GNG5: variants seen among roughly 807,000 people sequenced by gnomAD.
GNG5 encodes the protein G protein subunit gamma 5.
In GNG5, 2 loss-of-function variants were observed where a neutral mutation model predicts 6.2. The observed-to-expected ratio is 0.32, with a 90% CI of 0.13 to 1.01. GNG5 has a LOEUF of 1.01. GNG5 is among the 50% of genes least tolerant of loss of function. GNG5 has a pLI of 0.48. For missense variants in GNG5, 57 were observed against 80.2 expected, an observed-to-expected ratio of 0.71 and a Z score of 1.10; for synonymous variants, 24 against 33.0, an observed-to-expected ratio of 0.73 and a Z score of 0.93.
At chr1:84,499,659 C>T (rs1025096703) in intron 3 of GNG5, among the ~76,000 whole-genome samples, 4 of 152,148 alleles carry the variant, frequency 2.6e-5, no homozygotes, top group East Asian at 1.9e-4. Context: ...TGAAAAACGG[C>T]GAATACTGTC....
chr1:84,500,912 T>A (rs898477057), intron 3 of GNG5, among the ~76,000 whole-genome samples: 42 of 152,300 alleles, frequency 2.8e-4, no homozygotes, highest in Admixed American at 5.2e-4. Flanking sequence ...AAATCTTTTT[T>A]AAAAAAGTAC....
intron 2 of GNG5, among the ~76,000 whole-genome samples, chr1:84,504,008 A>C (rs1235602949): frequency 6.6e-6 from 1 of 152,194 alleles, no homozygotes; most frequent in East Asian, 1.9e-4. Flanking sequence ...CTAGCCCCTA[A>C]GGCACTGTAA....
chr1:84,503,325 CA>C lies in GNG5; in HGVS notation c.82-1356del, dbSNP rs151155307. ...TGGCCTCAGGGAATTAATAGCATCACAAATGCTCTCTATACCAAGAACCCCT... is the reference window on the plus strand; with the variant it reads ...TGGCCTCAGGGAATTAATAGCATCACAATGCTCTCTATACCAAGAACCCCT... On this transcript the variant is annotated intron_variant, in intron 2 of 3. Transcript: ENST00000370645. Among the ~76,000 whole-genome samples, 1,130 of 152,338 alleles carry C rather than the reference CA, an allele frequency of 7.4e-3. 14 individuals carry two copies. Among genetic ancestry groups the C allele is most frequent in the African/African-American group, 0.026 (1,087 of 41,572 alleles).
Position 84,505,999 on chromosome 1 carries a change from GC to G in GNG5, c.81+11del. ...CGCCTTCCTCCCGCCTCGGCCGCCCGCCCCCGCTCACTTTTACGCGGTTGAG... is the reference window on the plus strand; with the variant it reads ...CGCCTTCCTCCCGCCTCGGCCGCCCGCCCCGCTCACTTTTACGCGGTTGAG... On this transcript the variant is annotated intron_variant, in intron 2 of 3. Coordinates refer to ENST00000370645, the MANE Select transcript of GNG5 (RefSeq NM_005274.3). 6.7e-7 allele frequency: 1 copy of G among 1,498,598 alleles called. No homozygotes were observed. The highest frequency in any genetic ancestry group is 8.9e-7 in the Non-Finnish European group (1 of 1,123,116). The allele number at this position is 1,498,598 out of a possible 1,614,324, so 92.8% of individuals were successfully genotyped here.
Position 84,506,125 on chromosome 1 carries a change from G to A in GNG5, c.-34C>T, listed in dbSNP as rs1419431324. ...CGACGGCCGGGCCGATTCGTGGGTC[G>A]GTGGGTCGTGGGCCGTGGGTCGGCG... On this transcript the variant is annotated 5_prime_UTR_variant, in exon 2 of 4. The change creates a premature stop within an existing upstream ORF in the 5' untranslated region. Transcript: ENST00000370645. 3 of 1,557,676 alleles carry A rather than the reference G, an allele frequency of 1.9e-6. No individual in the cohort carries two copies. The highest frequency in any genetic ancestry group is 2.8e-5 in the African/African-American group (2 of 70,984).
At chr1:84,502,000 C>A in intron 2 of GNG5, 30 bp from the exon 3 acceptor site, 1 of 1,584,324 alleles carries the variant, frequency 6.3e-7, no homozygotes, top group Non-Finnish European at 8.7e-7. Flanking sequence ...GGGGAAGTGC[C>A]AGATGGTGAG....
intron 3 of GNG5, among the ~76,000 whole-genome samples, chr1:84,498,978 G>A (rs1484922112): frequency 6.6e-6 from 1 of 152,096 alleles, no homozygotes; most frequent in Non-Finnish European, 1.5e-5. Flanking sequence ...TATTTTAACA[G>A]CAAAGAACTG....
rs371281652 is a variant in GNG5 at position 84,504,887 on chromosome 1, G to A, written c.81+1124C>T. On this transcript the variant is annotated intron_variant, in intron 2 of 3. Transcript: ENST00000370645. The stretch of plus-strand genomic sequence containing the variant: ...CTCTCTCAGGAGGATCCTGCACCAA[G>A]ACGAATGAGAATTTCCCTTCCCTTC... Among the ~76,000 whole-genome samples the A allele has an allele frequency of 2.8e-4, 43 of 152,140 alleles. 3 individuals carry two copies. In the South Asian group the frequency reaches 8.9e-3, roughly 32 times the overall value.
chr1:84,498,606 T>C (rs1234455363), intron 3 of GNG5, 58 bp from the exon 4 acceptor site: 1 of 152,386 alleles, frequency 6.6e-6, no homozygotes, highest in Non-Finnish European at 1.5e-5. Context: ...AGAACATAGT[T>C]TTTAATTTTT....
chr1:84,503,902 A>G (rs1036635182), intron 2 of GNG5: 1 of 152,186 alleles, frequency 6.6e-6, no homozygotes, highest in Admixed American at 6.5e-5. Context: ...CTGAGATCTC[A>G]ATGACAAGAG....
At position 84,501,878 on chromosome 1, in the gene GNG5, G is replaced by C; in HGVS notation, c.174C>G (p.Pro58=). The C allele has an allele frequency of 6.2e-7, 1 of 1,609,292 alleles. No individual in the cohort carries two copies. Among genetic ancestry groups the C allele is most frequent in the East Asian group, 2.2e-5 (1 of 44,846 alleles). The part of the protein sequence containing the change: ...LLTGVSSSTN[P]FRPQKVCSFL ...AGGAACAGACTTTCTGGGGTCTGAA[G>C]GGATTTGTACTTGAAGATACTCCAG... is the stretch of plus-strand genomic sequence containing the variant. The change falls in exon 3 of 4, where the codon CCC becomes CCG. Residue 58 remains proline, a synonymous_variant. Coordinates refer to ENST00000370645, the MANE Select transcript of GNG5 (RefSeq NM_005274.3).
intron 3 of GNG5, among the ~76,000 whole-genome samples, chr1:84,500,192 A>C (rs550402350): frequency 6.6e-6 from 1 of 152,332 alleles, no homozygotes; most frequent in Non-Finnish European, 1.5e-5. Context: ...CTAGGGACTC[A>C]CCTCAGACCT....
intron 2 of GNG5, among the ~76,000 whole-genome samples, chr1:84,502,554 A>G (rs1682080517): frequency 6.6e-6 from 1 of 152,154 alleles, no homozygotes; most frequent in Non-Finnish European, 1.5e-5. Context: ...AATTATGTTG[A>G]TTTTTGCAAA....
chr1:84,503,522 C>T (rs1682099627), intron 2 of GNG5: 1 of 152,344 alleles, frequency 6.6e-6, no homozygotes, highest in Non-Finnish European at 1.5e-5. Context: ...TACACCCCCT[C>T]ATCCCCCGCC....
intron 3 of GNG5, among the ~76,000 whole-genome samples, chr1:84,499,036 C>T (rs1426480906): frequency 6.6e-6 from 1 of 151,996 alleles, no homozygotes; most frequent in Admixed American, 6.6e-5. Flanking sequence ...ACGAAGGTTT[C>T]TACATATGAT....
Position 84,506,125 on chromosome 1 carries a change from G to GGTGGGTC in GNG5, c.-41_-35dup. ...CGACGGCCGGGCCGATTCGTGGGTC[G>GGTGGGTC]GTGGGTCGTGGGCCGTGGGTCGGCG... is the stretch of plus-strand genomic sequence containing the variant. On this transcript the variant is annotated 5_prime_UTR_variant, in exon 2 of 4. Coordinates refer to ENST00000370645, the MANE Select transcript of GNG5 (RefSeq NM_005274.3). 4 of 1,557,796 alleles carry GGTGGGTC rather than the reference G, an allele frequency of 2.6e-6. No homozygotes were observed. Among genetic ancestry groups the GGTGGGTC allele is most frequent in the South Asian group, 2.3e-5 (2 of 86,092 alleles).
chr1:84,504,046 T>C (rs1354722605), intron 2 of GNG5, among the ~76,000 whole-genome samples: 1 of 152,226 alleles, frequency 6.6e-6, no homozygotes, highest in Non-Finnish European at 1.5e-5. Flanking sequence ...GTTGAAACCC[T>C]GTAATCCTGG....
chr1:84,506,107 C>G lies in GNG5; in HGVS notation c.-16G>C. 6.4e-7 allele frequency: 1 copy of G among 1,569,134 alleles called. No homozygotes were observed. The highest frequency in any genetic ancestry group is 8.6e-7 in the Non-Finnish European group (1 of 1,158,932). On this transcript the variant is annotated 5_prime_UTR_variant, in exon 2 of 4. Coordinates refer to ENST00000370645, the MANE Select transcript of GNG5 (RefSeq NM_005274.3). Reference sequence around the variant, plus strand: ...AGCCAGACATGGTGCACGCGACGGCCGGGCCGATTCGTGGGTCGGTGGGTC... The same window carrying G: ...AGCCAGACATGGTGCACGCGACGGCGGGGCCGATTCGTGGGTCGGTGGGTC...
intron 2 of GNG5, among the ~76,000 whole-genome samples, chr1:84,505,408 C>A (rs1283214866): frequency 6.6e-6 from 1 of 152,148 alleles, no homozygotes; most frequent in Non-Finnish European, 1.5e-5. Flanking sequence ...CGAGGTTGTA[C>A]GGGGCACTGA....
Sources: gnomAD v4.1 joint callset for allele counts (sites outside exome capture counted in the v4.1 genomes callset) on GRCh38, gnomAD v4.1.1 for gene constraint, MANE v1.5 for transcripts, NCBI Gene and HGNC (gene_info 2026-07-23, HGNC 2026-07-21) for gene names.